SNX29: variants seen among roughly 807,000 people sequenced by gnomAD.
The protein encoded by SNX29 is sorting nexin 29.
SNX29 carries 78 observed loss-of-function variants against 102.1 expected under a neutral mutation model. That is an observed-to-expected ratio of 0.76 (90% confidence interval 0.64 to 0.92). The LOEUF is 0.92. Ranked by LOEUF, SNX29 falls within the 40% of genes least tolerant of loss-of-function variation. The pLI, the probability that SNX29 is intolerant of heterozygous loss-of-function variation, is 0.00. For synonymous variants in SNX29, 580 were observed against 414.5 expected (o/e 1.40, Z -4.85); for missense variants, 1,280 against 1,061.7 (o/e 1.21, Z -2.86).
chr16:12,547,129 TCATCACAGA>T (rs2077656436), intron 20 of SNX29, among the ~76,000 whole-genome samples: 1 of 150,160 alleles, frequency 6.7e-6, no homozygotes, highest in African/African-American at 2.5e-5. Flanking sequence ...GACATCACAG[TCATCACAGA>T]GGGAAAGAAG....
intron 16 of SNX29, among the ~76,000 whole-genome samples, chr16:12,368,839 G>A (rs9635495): frequency 0.4 from 61,507 of 152,114 alleles, 14,165 homozygotes; most frequent in Non-Finnish European, 0.54. Flanking sequence ...TGGGGCTCAC[G>A]TGCCCCTTGT....
intron 1 of SNX29, among the ~76,000 whole-genome samples, chr16:11,993,896 A>G (rs13332654): frequency 0.15 from 22,244 of 152,222 alleles, 3,661 homozygotes; most frequent in African/African-American, 0.41. Flanking sequence ...CAAGGCAGGC[A>G]GATCACCTGA....
chr16:12,012,003 T>G (rs1300648542), intron 3 of SNX29, among the ~76,000 whole-genome samples: 1 of 152,210 alleles, frequency 6.6e-6, no homozygotes, highest in Non-Finnish European at 1.5e-5. Flanking sequence ...TACTAGTAAC[T>G]GAAGGTTGGA....
chr16:12,548,503 G>T (rs2077752805), intron 20 of SNX29, among the ~76,000 whole-genome samples: 1 of 152,210 alleles, frequency 6.6e-6, no homozygotes, highest in African/African-American at 2.4e-5. Flanking sequence ...GGGTTGTCTT[G>T]TCTGGACCAG....
At chr16:12,564,015 T>G (rs2078880414) in intron 20 of SNX29, among the ~76,000 whole-genome samples, 1 of 151,974 alleles carries the variant, frequency 6.6e-6, no homozygotes, top group South Asian at 2.1e-4. Flanking sequence ...TCCCCCAGGG[T>G]AGGGAGTTGA....
intron 12 of SNX29, among the ~76,000 whole-genome samples, chr16:12,128,267 A>G (rs1381620658): frequency 2.0e-5 from 3 of 152,220 alleles, no homozygotes; most frequent in Non-Finnish European, 1.5e-5. Context: ...CTTGTGAAGA[A>G]CAATAGTCAC....
chr16:12,075,796 C>T (rs563775582), intron 10 of SNX29, among the ~76,000 whole-genome samples: 2 of 152,256 alleles, frequency 1.3e-5, no homozygotes, highest in East Asian at 3.9e-4. Flanking sequence ...AGGCAGGCCT[C>T]CTTGAGCTGT....
At chr16:12,540,967 G>A (rs1019434950) in intron 20 of SNX29, among the ~76,000 whole-genome samples, 2 of 152,194 alleles carry the variant, frequency 1.3e-5, no homozygotes, top group African/African-American at 4.8e-5. Context: ...GTTCAGGCTG[G>A]AGGATGCTAC....
At chr16:12,417,983 G>C (rs2084711467) in intron 18 of SNX29, among the ~76,000 whole-genome samples, 1 of 152,138 alleles carries the variant, frequency 6.6e-6, no homozygotes. Context: ...GAGCTCCTGG[G>C]AAGGGGAAGG....
At chr16:12,565,200 A>G (rs535058446) in intron 20 of SNX29, among the ~76,000 whole-genome samples, 1 of 152,262 alleles carries the variant, frequency 6.6e-6, no homozygotes, top group South Asian at 2.1e-4. Context: ...AGATTCTGCT[A>G]TTCAGCCAGA....
At chr16:12,280,679 G>A (rs570401106) in intron 15 of SNX29, among the ~76,000 whole-genome samples, 120 of 152,212 alleles carry the variant, frequency 7.9e-4, no homozygotes, top group African/African-American at 2.9e-3. Flanking sequence ...AGGTTCTGCC[G>A]GTGATCTTTC....
intron 7 of SNX29, among the ~76,000 whole-genome samples, chr16:12,049,959 C>G (rs896035715): frequency 2.6e-5 from 4 of 152,190 alleles, no homozygotes; most frequent in African/African-American, 9.7e-5. Context: ...ATTCTCAAAT[C>G]TCTGAAACAA....
Position 12,336,211 on chromosome 16 carries a change from T to C in SNX29, c.1783-19952T>C, listed in dbSNP as rs889215158. Among the ~76,000 whole-genome samples, 13 of 152,304 alleles carry C rather than the reference T, an allele frequency of 8.5e-5. No individual in the cohort carries two copies. The East Asian group carries it at 2.5e-3, about 29-fold the overall frequency. On this transcript the variant is annotated intron_variant, in intron 15 of 20. Coordinates refer to ENST00000566228, the MANE Select transcript of SNX29 (RefSeq NM_032167.5). Reference sequence around the variant, plus strand: ...TGAAATGGCTTCATATTGCGGGTCTTCCAGCCTGTAGGGAGAAAGCTTTGG... The same window carrying C: ...TGAAATGGCTTCATATTGCGGGTCTCCCAGCCTGTAGGGAGAAAGCTTTGG...
At chr16:12,320,875 T>G (rs969835753) in intron 15 of SNX29, among the ~76,000 whole-genome samples, 1 of 152,204 alleles carries the variant, frequency 6.6e-6, no homozygotes, top group Non-Finnish European at 1.5e-5. Context: ...TGAGGTTGCC[T>G]TAGGTCCCAC....
intron 13 of SNX29, among the ~76,000 whole-genome samples, chr16:12,184,023 G>A (rs568568497): frequency 2.6e-5 from 4 of 152,256 alleles, no homozygotes; most frequent in African/African-American, 9.6e-5. Flanking sequence ...GCATCCCTCG[G>A]GGCTGCTCTG....
intron 15 of SNX29, among the ~76,000 whole-genome samples, chr16:12,355,279 T>C (rs922088205): frequency 2.6e-5 from 4 of 152,142 alleles, no homozygotes; most frequent in Admixed American, 6.5e-5. Context: ...ACGACACACA[T>C]TTAGCGACCC....
rs183275123 is a variant in SNX29 at position 12,069,067 on chromosome 16, C to T, written c.1254C>T (p.Leu418=). The change falls in exon 10 of 21, where the codon CTC becomes CTT. Residue 418 remains leucine, a synonymous_variant. Transcript: ENST00000566228. The part of the protein sequence containing the change: ...VGSYSPADAP[L]GSLENGTGPE... ...GCTCTCTCTGCACAGATGCCCCCCT[C>T]GGAAGCCTGGAGAACGGGACAGGAC... The T allele has an allele frequency of 1.2e-5, 20 of 1,613,740 alleles. No homozygotes were observed. The highest frequency in any genetic ancestry group is 6.6e-5 in the South Asian group (6 of 91,068).
chr16:12,079,059 C>T (rs910506841), intron 11 of SNX29, 144 bp downstream of exon 11: 9 of 722,402 alleles, frequency 1.2e-5, no homozygotes, highest in South Asian at 3.8e-5. Flanking sequence ...AGGTGTGGTA[C>T]GTGCTTGTGG....
At chr16:12,279,269 G>A (rs2079354515) in intron 15 of SNX29, among the ~76,000 whole-genome samples, 1 of 152,200 alleles carries the variant, frequency 6.6e-6, no homozygotes, top group South Asian at 2.1e-4. Context: ...CCAGGGCCTT[G>A]GAGGGTGTTC....
Sources: allele counts gnomAD v4.1 joint callset (sites outside exome capture counted in the v4.1 genomes callset), GRCh38; gene constraint gnomAD v4.1.1; transcripts MANE v1.5; gene names NCBI Gene and HGNC (gene_info 2026-07-23, HGNC 2026-07-21).